NAA15: variants seen among roughly 807,000 people sequenced by gnomAD.
The protein encoded by NAA15 is N-terminal acetyltransferase.
In NAA15, 34 loss-of-function variants were observed where a neutral mutation model predicts 114.0. That is an observed-to-expected ratio of 0.30 (90% CI 0.23 to 0.40). The LOEUF is 0.40. NAA15 is among the 10% of genes least tolerant of loss of function. The pLI, the probability that NAA15 is intolerant of heterozygous loss-of-function variation, is 1.00. For missense variants in NAA15, 658 were observed against 1,004.5 expected (o/e 0.66, Z 4.66); for synonymous variants, 340 against 338.0 (o/e 1.01, Z -0.06).
intron 5 of NAA15, 144 bp from the exon 6 acceptor site, chr4:139,344,042 G>A (rs766295396): frequency 1.2e-5 from 7 of 582,960 alleles, no homozygotes; most frequent in Non-Finnish European, 1.8e-5. Context: ...CAGTTGCTCT[G>A]TAGATACTTA....
intron 18 of NAA15, among the ~76,000 whole-genome samples, chr4:139,385,477 T>A (rs1748887834): frequency 6.6e-6 from 1 of 151,822 alleles, no homozygotes; most frequent in Non-Finnish European, 1.5e-5. Flanking sequence ...TTTTATTTCT[T>A]TTTTCATCAT....
Position 139,344,350 on chromosome 4 carries a change from A to G in NAA15, c.691+11A>G. 6.3e-7 allele frequency: 1 copy of G among 1,595,522 alleles called. No homozygotes were observed. Among genetic ancestry groups the G allele is most frequent in the Non-Finnish European group, 8.5e-7 (1 of 1,169,622 alleles). ...TAGAAGAAACCAAAGGTATTTTTAA[A>G]AGAATTGTCATTTATTCTAATATTG... On this transcript the variant is annotated intron_variant, in intron 6 of 19. Transcript: ENST00000296543.
intron 17 of NAA15, among the ~76,000 whole-genome samples, chr4:139,381,539 C>T (rs917015794): frequency 6.6e-6 from 1 of 151,616 alleles, no homozygotes; most frequent in African/African-American, 2.4e-5. Context: ...TTTATTAAAC[C>T]TTGTTTAATA....
intron 6 of NAA15, among the ~76,000 whole-genome samples, chr4:139,347,067 T>C (rs1360124430): frequency 6.6e-6 from 1 of 150,740 alleles, no homozygotes; most frequent in African/African-American, 2.4e-5. Context: ...ACCATCGTAC[T>C]CAGCTATGGG....
chr4:139,320,081 C>G (rs1746547782), intron 1 of NAA15, among the ~76,000 whole-genome samples: 1 of 152,174 alleles, frequency 6.6e-6, no homozygotes, highest in Non-Finnish European at 1.5e-5. Flanking sequence ...TTAGATATCT[C>G]TTTCATCTTT....
chr4:139,309,919 A>G (rs35885016), intron 1 of NAA15, among the ~76,000 whole-genome samples: 54,070 of 151,878 alleles, frequency 0.36, 11,363 homozygotes, highest in East Asian at 0.5. Flanking sequence ...TTGGGGCTCA[A>G]ACTAGTTATT....
chr4:139,367,298 T>C (rs1748310368), intron 14 of NAA15, among the ~76,000 whole-genome samples: 1 of 152,208 alleles, frequency 6.6e-6, no homozygotes, highest in African/African-American at 2.4e-5. Flanking sequence ...TCTGTGGCTC[T>C]TGGCCCTGCC....
intron 19 of NAA15, among the ~76,000 whole-genome samples, chr4:139,387,216 A>G (rs1264163887): frequency 6.6e-6 from 1 of 152,206 alleles, no homozygotes; most frequent in East Asian, 1.9e-4. Flanking sequence ...TAGCTTTTCT[A>G]AGTGAAAATA....
intron 1 of NAA15, among the ~76,000 whole-genome samples, chr4:139,315,009 AGG>A (rs1560952792): frequency 0.23 from 28,696 of 125,380 alleles, 5,080 homozygotes; most frequent in African/African-American, 0.34. Flanking sequence ...AGTTTAGTTT[AGG>A]TTAGGTTAGG....
intron 10 of NAA15, among the ~76,000 whole-genome samples, chr4:139,355,320 G>T (rs1412904734): frequency 6.6e-6 from 1 of 151,806 alleles, no homozygotes; most frequent in Non-Finnish European, 1.5e-5. Flanking sequence ...TTTGAATTTG[G>T]TTGATGTGTC....
rs1235882861 is a variant in NAA15, at chr4:139,366,178, G to T, written c.1754-4033G>T. The stretch of plus-strand genomic sequence containing the variant: ...GCAGCTTAAAATAACCCTTTTTTTG[G>T]GTCAGGAATTCAGAAGTGTCTAAGT... On this transcript the variant is annotated intron_variant, in intron 14 of 19. Transcript: ENST00000296543. Among the ~76,000 whole-genome samples the T allele has an allele frequency of 4.0e-5, 6 of 151,254 alleles. No individual in the cohort carries two copies. In the South Asian group the frequency reaches 1.0e-3, roughly 26 times the overall value.
In NAA15 at chr4:139,301,667, G is replaced by A. The variant is rs770926558; in HGVS notation, c.-111G>A. The A allele has an allele frequency of 7.8e-7, 1 of 1,275,920 alleles. No homozygotes were observed. The highest frequency in any genetic ancestry group is 1.1e-6 in the Non-Finnish European group (1 of 921,846). 79.0% of individuals were successfully genotyped at this position (1,275,920 alleles called of 1,614,324 possible). A position where few individuals can be genotyped will look rare whatever the true frequency, so the allele number is the denominator to read the frequency against. ...CGACACCCGAGGCCTGGTGGTGGCGGCGGATCGAGATATTCAAGGCTGAAG... is the reference window on the plus strand; with the variant it reads ...CGACACCCGAGGCCTGGTGGTGGCGACGGATCGAGATATTCAAGGCTGAAG... On this transcript the variant is annotated 5_prime_UTR_variant, in exon 1 of 20. Coordinates refer to ENST00000296543, the MANE Select transcript of NAA15 (RefSeq NM_057175.5).
chr4:139,318,945 A>G (rs1746508084), intron 1 of NAA15, among the ~76,000 whole-genome samples: 2 of 152,206 alleles, frequency 1.3e-5, no homozygotes, highest in South Asian at 2.1e-4. Context: ...TTACAGAGCT[A>G]TAATCCCTTA....
chr4:139,317,170 T>C (rs910336924), intron 1 of NAA15, among the ~76,000 whole-genome samples: 2 of 151,892 alleles, frequency 1.3e-5, no homozygotes, highest in Non-Finnish European at 2.9e-5. Flanking sequence ...CAGTTCCCAT[T>C]GAAGCTTCTG....
intron 4 of NAA15, among the ~76,000 whole-genome samples, chr4:139,341,593 C>CAAAAAAAAAAAAAAAAA (rs751688160): frequency 1.4e-4 from 2 of 14,426 alleles, no homozygotes; most frequent in Non-Finnish European, 2.7e-4. Flanking sequence ...AACTCTGTCT[C>CAAAAAAAAAAAAAAAAA]AAAAAAAAAA....
intron 14 of NAA15, 61 bp downstream of exon 14, chr4:139,361,998 G>GT: frequency 8.0e-7 from 1 of 1,242,966 alleles, no homozygotes; most frequent in South Asian, 1.4e-5. Context: ...TGTGTATTAT[G>GT]TTTTTCATTT....
intron 1 of NAA15, among the ~76,000 whole-genome samples, chr4:139,328,745 A>G (rs184410142): frequency 6.7e-6 from 1 of 148,548 alleles, no homozygotes; most frequent in African/African-American, 2.5e-5. Context: ...TTTTTGTAAT[A>G]TTAGTAGAGA....
At chr4:139,350,468 C>A (rs527615744) in intron 7 of NAA15, among the ~76,000 whole-genome samples, 1 of 152,160 alleles carries the variant, frequency 6.6e-6, no homozygotes, top group Non-Finnish European at 1.5e-5. Flanking sequence ...TGGATTCAGA[C>A]GTGGTCCCCC....
intron 3 of NAA15, among the ~76,000 whole-genome samples, chr4:139,339,408 G>T (rs1747311101): frequency 6.6e-6 from 1 of 152,276 alleles, no homozygotes; most frequent in East Asian, 1.9e-4. Context: ...GGGGTAGAAG[G>T]ATTGTTTGAG....
Sources: gnomAD v4.1 joint callset for allele counts (sites outside exome capture counted in the v4.1 genomes callset) on GRCh38, gnomAD v4.1.1 for gene constraint, MANE v1.5 for transcripts, NCBI Gene and HGNC (gene_info 2026-07-23, HGNC 2026-07-21) for gene names.